Variants in NKAIN2 observed in about 807,000 individuals in gnomAD.
NKAIN2 encodes the protein sodium/potassium transporting ATPase interacting 2, also known as sodium/potassium-transporting ATPase subunit beta-1-interacting protein 2.
A neutral mutation model predicts 32.6 loss-of-function variants in NKAIN2; 14 were observed. The observed-to-expected ratio is 0.43, with a 90% confidence interval of 0.28 to 0.67. The LOEUF is 0.67. NKAIN2 is among the 30% of genes least tolerant of loss of function. The probability of loss-of-function intolerance (pLI) is 0.17; values close to 1 mark genes in which losing one functional copy is unlikely to be tolerated. For synonymous variants in NKAIN2, 80 were observed against 87.2 expected, an observed-to-expected ratio of 0.92 and a Z score of 0.46; for missense variants, 198 against 258.3, an observed-to-expected ratio of 0.77 and a Z score of 1.60.
chr6:124,654,712 C>T (rs1007853085), intron 3 of NKAIN2, among the ~76,000 whole-genome samples: 2 of 152,050 alleles, frequency 1.3e-5, no homozygotes, highest in Non-Finnish European at 2.9e-5. Context: ...ATTTTAAAAA[C>T]AGAAATTTGG....
At chr6:124,715,857 T>G (rs1302148706) in intron 4 of NKAIN2, among the ~76,000 whole-genome samples, 2 of 152,142 alleles carry the variant, frequency 1.3e-5, no homozygotes, top group African/African-American at 4.8e-5. Context: ...TCTAGTGCCA[T>G]TTTTTGGCTA....
chr6:124,759,281 G>T (rs1778108811), intron 4 of NKAIN2, among the ~76,000 whole-genome samples: 1 of 152,092 alleles, frequency 6.6e-6, no homozygotes, highest in Non-Finnish European at 1.5e-5. Context: ...TTACAATAGG[G>T]TTGCATAGGT....
intron 1 of NKAIN2, among the ~76,000 whole-genome samples, chr6:124,167,395 T>C (rs1365682500): frequency 6.6e-6 from 1 of 152,168 alleles, no homozygotes; most frequent in African/African-American, 2.4e-5. Flanking sequence ...CTGAAGTTGC[T>C]TATCAGCTTA....
chr6:124,527,777 C>T (rs181829822), intron 3 of NKAIN2, among the ~76,000 whole-genome samples: 2 of 151,976 alleles, frequency 1.3e-5, no homozygotes, highest in East Asian at 1.9e-4. Flanking sequence ...TTTGCAGAGT[C>T]GGTGGAAATT....
chr6:124,817,967 C>A (rs902533093), intron 5 of NKAIN2, among the ~76,000 whole-genome samples: 9 of 152,120 alleles, frequency 5.9e-5, no homozygotes, highest in African/African-American at 1.9e-4. Flanking sequence ...TGCAATTGCT[C>A]ATAGATACAT....
intron 4 of NKAIN2, among the ~76,000 whole-genome samples, chr6:124,784,643 G>A (rs2114793145): frequency 6.6e-6 from 1 of 152,100 alleles, no homozygotes; most frequent in East Asian, 1.9e-4. Context: ...ATGACGCTGG[G>A]GTTGCGCCCA....
chr6:124,770,555 T>A (rs1336434979), intron 4 of NKAIN2, among the ~76,000 whole-genome samples: 1 of 152,212 alleles, frequency 6.6e-6, no homozygotes, highest in Non-Finnish European at 1.5e-5. Context: ...TTATTTTAAC[T>A]GCCTCTGCAT....
intron 2 of NKAIN2, among the ~76,000 whole-genome samples, chr6:124,295,511 C>A (rs1437599594): frequency 6.6e-6 from 1 of 151,978 alleles, no homozygotes; most frequent in East Asian, 1.9e-4. Flanking sequence ...TTATTTATAT[C>A]ATATAGAATA....
chr6:124,789,220 G>C (rs552893338), intron 4 of NKAIN2, among the ~76,000 whole-genome samples: 2 of 152,132 alleles, frequency 1.3e-5, no homozygotes, highest in South Asian at 4.2e-4. Flanking sequence ...AGAATGTATC[G>C]ATGCTTGTTA....
intron 1 of NKAIN2, among the ~76,000 whole-genome samples, chr6:123,817,624 C>T (rs1773748440): frequency 1.3e-5 from 2 of 152,238 alleles, no homozygotes; most frequent in Middle Eastern, 3.4e-3. Context: ...CACCAGCGCC[C>T]CTTCCTCCAT....
chr6:124,775,650 T>G (rs1189396845), intron 4 of NKAIN2, among the ~76,000 whole-genome samples: 2 of 152,108 alleles, frequency 1.3e-5, no homozygotes, highest in Non-Finnish European at 2.9e-5. Context: ...TAATTGCATG[T>G]GACTATAAAG....
intron 3 of NKAIN2, among the ~76,000 whole-genome samples, chr6:124,471,208 T>C (rs1776959513): frequency 6.6e-6 from 1 of 152,210 alleles, no homozygotes; most frequent in Non-Finnish European, 1.5e-5. Context: ...ATCCTTCCTT[T>C]CAAATAAATT....
chr6:124,186,209 A>G lies in NKAIN2; in HGVS notation c.55-96796A>G, dbSNP rs552553514. On this transcript the variant is annotated intron_variant, in intron 1 of 6. Transcript: ENST00000368417. ...AGGAAGGAAGGAAGGAAAGAAGGAAAGAAGGAAGGAAGGAAGGAAAGAGAG... is the reference window on the plus strand; with the variant it reads ...AGGAAGGAAGGAAGGAAAGAAGGAAGGAAGGAAGGAAGGAAGGAAAGAGAG... 9.1e-4 allele frequency among the ~76,000 whole-genome samples: 135 copies of G among 148,850 alleles called. 1 individual carries two copies. The highest frequency in any genetic ancestry group is 3.3e-3 in the African/African-American group (131 of 39,452).
intron 4 of NKAIN2, among the ~76,000 whole-genome samples, chr6:124,675,146 T>C (rs940542211): frequency 3.9e-5 from 6 of 152,260 alleles, no homozygotes; most frequent in African/African-American, 1.4e-4. Context: ...CTTCATTCTG[T>C]TAATGTGGTA....
intron 3 of NKAIN2, among the ~76,000 whole-genome samples, chr6:124,418,123 C>CA (rs200707930): frequency 0.045 from 6,750 of 151,184 alleles, 251 homozygotes; most frequent in Non-Finnish European, 0.065. Flanking sequence ...CATTCCTGGC[C>CA]AAAAAAAATG....
chr6:124,444,369 T>C (rs915253082), intron 3 of NKAIN2, among the ~76,000 whole-genome samples: 1 of 152,070 alleles, frequency 6.6e-6, no homozygotes, highest in Non-Finnish European at 1.5e-5. Context: ...GCACACAGAT[T>C]TGATTCTACA....
At chr6:124,473,782 A>G (rs968126079) in intron 3 of NKAIN2, among the ~76,000 whole-genome samples, 1 of 152,160 alleles carries the variant, frequency 6.6e-6, no homozygotes. Context: ...TCTCACATAC[A>G]ATAATTCATC....
chr6:124,128,291 T>G (rs1015184716), intron 1 of NKAIN2, among the ~76,000 whole-genome samples: 2 of 152,216 alleles, frequency 1.3e-5, no homozygotes. Flanking sequence ...GATGGAAATG[T>G]TCTATAATAT....
rs79848653 is a variant in NKAIN2 at position 124,687,121 on chromosome 6, A to G, written c.474+28735A>G. On this transcript the variant is annotated intron_variant, in intron 4 of 6. Transcript: ENST00000368417. ...CTTGTGAACATGTAAGTTAATACTT[A>G]ATAAGCTCCCTTAAATATATATATA... Among the ~76,000 whole-genome samples the G allele has an allele frequency of 5.1e-3, 742 of 146,118 alleles. 6 individuals carry two copies. Among genetic ancestry groups the G allele is most frequent in the African/African-American group, 0.018 (708 of 39,598 alleles).
Sources: allele counts gnomAD v4.1 joint callset (sites outside exome capture counted in the v4.1 genomes callset), GRCh38; gene constraint gnomAD v4.1.1; transcripts MANE v1.5; gene names NCBI Gene and HGNC (gene_info 2026-07-23, HGNC 2026-07-21).